The following COL12A1 variants were observed in gnomAD, a reference collection of about 807,000 sequenced individuals.
COL12A1 encodes collagen type XII alpha 1 chain, also known as collagen alpha-1(XII) chain.
COL12A1 carries 114 observed loss-of-function variants against 349.7 expected under a neutral mutation model. The ratio of observed to expected loss-of-function variants is 0.33; its 90% CI spans 0.28 to 0.38. The LOEUF (loss-of-function observed/expected upper bound fraction) is 0.38, where lower values mean the gene tolerates loss of function less well. Among genes scored for constraint, COL12A1 ranks in the 10% least tolerant of loss-of-function variants. The pLI is 1.00. For missense variants in COL12A1, 3,284 were observed against 3,756.9 expected (o/e 0.87, Z 3.29); for synonymous variants, 1,369 against 1,329.0 (o/e 1.03, Z -0.66).
At position 75,142,130 on chromosome 6, in the gene COL12A1, G is replaced by T. The variant is rs1315847355; in HGVS notation, c.4859C>A (p.Ser1620Tyr). 1 of 1,614,120 alleles carries T rather than the reference G, an allele frequency of 6.2e-7. No individual in the cohort carries two copies. The highest frequency in any genetic ancestry group is 8.5e-7 in the Non-Finnish European group (1 of 1,179,986). ...VEVDRSETSTSLKDLFSQTLY... is the reference protein window; with the variant it reads ...VEVDRSETSTYLKDLFSQTLY... Reference sequence around the variant, plus strand: ...GGTCTGTGAGAAGAGGTCTTTGAGGGAAGTGCTGGTCTCTGATCTGTCCAC... The same window carrying T: ...GGTCTGTGAGAAGAGGTCTTTGAGGTAAGTGCTGGTCTCTGATCTGTCCAC... The change falls in exon 27 of 66, where the codon TCC (serine) becomes TAC (tyrosine). Residue 1620 changes from serine to tyrosine, a missense_variant. By Grantham distance (144) the Ser-to-Tyr change is moderately radical. Around this residue, in one of 2 missense-constraint regions of COL12A1, gnomAD observed 2,601 missense variants for 2,824.8 expected, o/e 0.92. Coordinates refer to ENST00000322507, the MANE Select transcript of COL12A1 (RefSeq NM_004370.6).
At chr6:75,113,504 AAT>A (rs777846933) in intron 50 of COL12A1, 96 bp downstream of exon 50, 14 of 1,119,850 alleles carry the variant, frequency 1.3e-5, no homozygotes, top group Non-Finnish European at 1.6e-5. Flanking sequence ...ATATCAAATA[AAT>A]ATATATATAG....
intron 14 of COL12A1, among the ~76,000 whole-genome samples, chr6:75,157,795 C>A (rs1001493129): frequency 2.0e-5 from 3 of 152,038 alleles, no homozygotes; most frequent in Admixed American, 6.6e-5. Context: ...GAAAGAACCA[C>A]CCCAAAGGAG....
chr6:75,146,824 T>A (rs1767216727), intron 23 of COL12A1, among the ~76,000 whole-genome samples: 1 of 152,196 alleles, frequency 6.6e-6, no homozygotes, highest in Admixed American at 6.5e-5. Context: ...ATTATCATAT[T>A]AATCCTGCCA....
chr6:75,128,552 A>G (rs1766132193), intron 37 of COL12A1, 127 bp from the exon 38 acceptor site: 3 of 740,254 alleles, frequency 4.1e-6, no homozygotes, highest in African/African-American at 1.8e-5. Context: ...TTTGTTACAC[A>G]ATGCTCGTGA....
At chr6:75,121,029 G>C (rs1306941758) in intron 44 of COL12A1, among the ~76,000 whole-genome samples, 2 of 152,166 alleles carry the variant, frequency 1.3e-5, no homozygotes, top group African/African-American at 4.8e-5. Context: ...ATGATTGGAA[G>C]TTTTAAGCAG....
chr6:75,113,663 A>T lies in COL12A1; in HGVS notation c.7779T>A (p.Pro2593=). ...TGTCTGTGATTTGCCAAATTGCAAA[A>T]GGGTCACTGGGAGTTTCTGGGAGAA... ...FRLLPETPSD[P]FAIWQITDRD... Residue 2593 remains proline, a synonymous_variant, in exon 50 of 66, where the codon CCT becomes CCA. Coordinates refer to ENST00000322507, the MANE Select transcript of COL12A1 (RefSeq NM_004370.6). 1 of 1,607,222 alleles carries T rather than the reference A, an allele frequency of 6.2e-7. No individual in the cohort carries two copies. Among genetic ancestry groups the T allele is most frequent in the South Asian group, 1.1e-5 (1 of 90,134 alleles).
intron 26 of COL12A1, among the ~76,000 whole-genome samples, chr6:75,142,702 A>G (rs148913863): frequency 3.3e-5 from 5 of 152,264 alleles, no homozygotes; most frequent in African/African-American, 7.2e-5. Context: ...TACTCCCTCA[A>G]GCACACACAA....
In COL12A1 at chr6:75,183,949, G is replaced by A; in HGVS notation, c.1193C>T (p.Thr398Ile). The A allele has an allele frequency of 6.2e-7, 1 of 1,614,178 alleles. No homozygotes were observed. Among genetic ancestry groups the A allele is most frequent in the Non-Finnish European group, 8.5e-7 (1 of 1,180,044 alleles). Residue 398 changes from threonine (T) to isoleucine (I), a missense_variant, in exon 9 of 66, where the codon ACA (threonine) becomes ATA (isoleucine). By Grantham distance (89) the Thr-to-Ile change is moderately conservative. Around this residue, in one of 2 missense-constraint regions of COL12A1, gnomAD observed 2,601 missense variants for 2,824.8 expected, o/e 0.92. Transcript: ENST00000322507. Reference protein sequence around the residue: ...TLSVRDLSADTEYQISVSAMK... With the variant: ...TLSVRDLSADIEYQISVSAMK... ...GGCGGAAACACTGATCTGGTATTCT[G>A]TGTCTGCTGAGAGGTCGCGAACACT...
rs1768709303 is a variant in COL12A1 at position 75,109,138 on chromosome 6, A to C, written c.7980T>G (p.Val2660=). Residue 2660 remains valine, a synonymous_variant, in exon 52 of 66, where the codon GTT becomes GTG. Coordinates refer to ENST00000322507, the MANE Select transcript of COL12A1 (RefSeq NM_004370.6). ...KVHIVVTSKS[V]KIYIDCYEII... The stretch of plus-strand genomic sequence containing the variant: ...TTTCATAGCAGTCAATGTAAATCTT[A>C]ACACTTTTTGAGGTCACTACAATAT... 6.2e-7 allele frequency: 1 copy of C among 1,601,008 alleles called. No individual in the cohort carries two copies. The highest frequency in any genetic ancestry group is 1.3e-5 in the African/African-American group (1 of 74,422).
In COL12A1 at chr6:75,188,527, C is replaced by A. The variant is rs758961224; in HGVS notation, c.832G>T (p.Ala278Ser). 1 of 1,612,204 alleles carries A rather than the reference C, an allele frequency of 6.2e-7. No individual in the cohort carries two copies. Among genetic ancestry groups the A allele is most frequent in the South Asian group, 1.1e-5 (1 of 91,028 alleles). The change falls in exon 8 of 66, where the codon GCT becomes TCT. Residue 278 changes from alanine (A) to serine (S), a missense_variant. This residue lies in a region of COL12A1 where 2,601 missense variants were observed against 2,824.8 expected (regional missense o/e 0.92). Coordinates refer to ENST00000322507, the MANE Select transcript of COL12A1 (RefSeq NM_004370.6). ...TGTTTGAGTTCTTTTGCATCTGCAG[C>A]TTTAATGCCTTCAAAACAAAAGGAT... ...GVEVFSLGIK[A>S]ADAKELKQIA...
rs1267120921 is a variant in COL12A1 at position 75,162,408 on chromosome 6, G to C, written c.2983+3099C>G. Reference sequence around the variant, plus strand: ...AAATCTGACAAAAACAAGCAATGGGGAAAGGATTCCCTATTTAATAAATGG... The same window carrying C: ...AAATCTGACAAAAACAAGCAATGGGCAAAGGATTCCCTATTTAATAAATGG... On this transcript the variant is annotated intron_variant, in intron 14 of 65. Coordinates refer to ENST00000322507, the MANE Select transcript of COL12A1 (RefSeq NM_004370.6). Among the ~76,000 whole-genome samples the C allele has an allele frequency of 2.0e-5, 3 of 152,174 alleles. No individual in the cohort carries two copies. In the East Asian group the frequency reaches 5.8e-4, roughly 29 times the overall value.
intron 13 of COL12A1, among the ~76,000 whole-genome samples, chr6:75,170,200 A>C (rs1346948928): frequency 6.6e-6 from 1 of 152,240 alleles, no homozygotes; most frequent in Non-Finnish European, 1.5e-5. Flanking sequence ...ATGAAAAATT[A>C]ATCATCATGA....
At chr6:75,156,588 A>G in intron 14 of COL12A1, 65 bp from the exon 15 acceptor site, 6 of 1,463,206 alleles carry the variant, frequency 4.1e-6, no homozygotes, top group Non-Finnish European at 4.7e-6. Flanking sequence ...CCACCTCTTC[A>G]TTTATGTGAA....
Position 75,108,070 on chromosome 6 carries a change from CATTGATTG to C in COL12A1, c.8100+940_8100+947del, listed in dbSNP as rs112482209. On this transcript the variant is annotated intron_variant, in intron 52 of 65. Transcript: ENST00000322507. ...TTAGGACAATAGGTCTATTGATTGA[CATTGATTG>C]ATTGATTGATTGATTGATTGAGACA... Among the ~76,000 whole-genome samples, 24 of 151,880 alleles carry C rather than the reference CATTGATTG, an allele frequency of 1.6e-4. No homozygotes were observed. In the East Asian group the frequency reaches 3.7e-3, roughly 23 times the overall value.
At position 75,191,869 on chromosome 6, in the gene COL12A1, G is replaced by A. The variant is rs1769948529; in HGVS notation, c.335-109C>T. 1.7e-5 allele frequency: 10 copies of A among 601,230 alleles called. No individual in the cohort carries two copies. The South Asian group carries it at 4.0e-4, about 24-fold the overall frequency. The allele number at this position is 601,230 out of a possible 1,614,324, so 37.2% of individuals were successfully genotyped here. ...TTTTGTTATTGTCTCTTAAATGTATGGCTCTGCCCAGCTGGTCATAGAATA... is the reference window on the plus strand; with the variant it reads ...TTTTGTTATTGTCTCTTAAATGTATAGCTCTGCCCAGCTGGTCATAGAATA... On this transcript the variant is annotated intron_variant, in intron 4 of 65. Transcript: ENST00000322507.
chr6:75,185,701 A>G (rs182719948), intron 8 of COL12A1, among the ~76,000 whole-genome samples: 4 of 152,326 alleles, frequency 2.6e-5, no homozygotes, highest in Admixed American at 2.6e-4. Flanking sequence ...GGTGCAGGCT[A>G]TCTGACTTCA....
rs765695255 is a variant in COL12A1 at position 75,085,227 on chromosome 6, C to T, written c.*1320G>A. 8.5e-6 allele frequency: 4 copies of T among 469,290 alleles called. No individual in the cohort carries two copies. Among genetic ancestry groups the T allele is most frequent in the South Asian group, 4.7e-5 (3 of 64,508 alleles). 29.1% of individuals were successfully genotyped at this position (469,290 alleles called of 1,614,324 possible). A position where few individuals can be genotyped will look rare whatever the true frequency, so the allele number is the denominator to read the frequency against. ...TCCGTGGGGCAGGGCGCGCCGCCAG[C>T]GCCGGTGGGGCTCAGGAGGCTCCTC... On this transcript the variant is annotated 3_prime_UTR_variant, in exon 66 of 66. Coordinates refer to ENST00000322507, the MANE Select transcript of COL12A1 (RefSeq NM_004370.6).
intron 35 of COL12A1, among the ~76,000 whole-genome samples, chr6:75,131,470 A>C (rs889410033): frequency 3.9e-5 from 6 of 152,326 alleles, no homozygotes; most frequent in Non-Finnish European, 7.4e-5. Flanking sequence ...CTTTGTCAAC[A>C]CTGTTTATTT....
chr6:75,154,694 G>A (rs1008016957), intron 16 of COL12A1, among the ~76,000 whole-genome samples, 157 bp from the exon 17 acceptor site: 7 of 151,982 alleles, frequency 4.6e-5, no homozygotes, highest in Admixed American at 2.6e-4. Flanking sequence ...AATAATTTCC[G>A]CCTCTTTCTC....
Sources: allele counts gnomAD v4.1 joint callset (sites outside exome capture counted in the v4.1 genomes callset), GRCh38; gene constraint gnomAD v4.1.1; regional missense constraint gnomAD v4.1.1; transcripts MANE v1.5; gene names NCBI Gene and HGNC (gene_info 2026-07-23, HGNC 2026-07-21).